PUM2: variants seen among roughly 807,000 people sequenced by gnomAD.
The protein encoded by PUM2 is pumilio RNA binding family member 2.
In PUM2, 57 loss-of-function variants were observed where a neutral mutation model predicts 124.5. The ratio of observed to expected loss-of-function variants is 0.46; its 90% confidence interval spans 0.37 to 0.57. PUM2 has a LOEUF of 0.57. Ranked by LOEUF, PUM2 falls within the 20% of genes least tolerant of loss-of-function variation. The pLI is 0.00. For missense variants in PUM2, 1,065 were observed against 1,290.6 expected (o/e 0.83, Z 2.68); for synonymous variants, 460 against 446.1 (o/e 1.03, Z -0.39).
At chr2:20,297,766 G>A in intron 7 of PUM2, 88 bp from the exon 8 acceptor site, 1 of 1,387,590 alleles carries the variant, frequency 7.2e-7, no homozygotes, top group Non-Finnish European at 9.9e-7. Flanking sequence ...CTGAATCTGG[G>A]GTGGTGTGGG....
chr2:20,324,812 T>C (rs531373898), intron 2 of PUM2, among the ~76,000 whole-genome samples: 5 of 152,276 alleles, frequency 3.3e-5, no homozygotes, highest in African/African-American at 4.8e-5. Context: ...AATTTGAAAT[T>C]AGTCCTACAT....
At chr2:20,274,132 C>A (rs1035753871) in intron 13 of PUM2, among the ~76,000 whole-genome samples, 2 of 152,016 alleles carry the variant, frequency 1.3e-5, no homozygotes, top group Non-Finnish European at 2.9e-5. Flanking sequence ...TCTTTAATTT[C>A]TTCATCTTTA....
chr2:20,344,857 C>T (rs914010290), intron 1 of PUM2, among the ~76,000 whole-genome samples: 17 of 151,460 alleles, frequency 1.1e-4, no homozygotes, highest in Non-Finnish European at 1.9e-4. Context: ...GTGGCGGGCG[C>T]CTGTAGTCCC....
At chr2:20,321,719 G>T (rs1358554197) in intron 2 of PUM2, among the ~76,000 whole-genome samples, 1 of 152,108 alleles carries the variant, frequency 6.6e-6, no homozygotes, top group Non-Finnish European at 1.5e-5. Flanking sequence ...TACTGTAGTA[G>T]AAAGAGCAAC....
At chr2:20,254,149 CTTTTA>C (rs1352312851) in intron 19 of PUM2, 135 bp from the exon 20 acceptor site, 17 of 780,642 alleles carry the variant, frequency 2.2e-5, no homozygotes, top group East Asian at 8.2e-5. Context: ...CTTATGATTA[CTTTTA>C]TTTTATTTTG....
chr2:20,315,143 T>C (rs1680580525), intron 3 of PUM2, among the ~76,000 whole-genome samples: 1 of 150,364 alleles, frequency 6.7e-6, no homozygotes, highest in Non-Finnish European at 1.5e-5. Context: ...CTCAAGTATC[T>C]GCCAGCCTTG....
chr2:20,303,238 G>A (rs1031445776), intron 7 of PUM2, among the ~76,000 whole-genome samples: 13 of 143,474 alleles, frequency 9.1e-5, no homozygotes, highest in South Asian at 2.2e-4. Flanking sequence ...GCTTCTGCTC[G>A]GAAACAATAT....
At chr2:20,298,136 C>T (rs1021406545) in intron 7 of PUM2, among the ~76,000 whole-genome samples, 1 of 152,110 alleles carries the variant, frequency 6.6e-6, no homozygotes, top group African/African-American at 2.4e-5. Context: ...TCACAAAGCA[C>T]TCCATCTGGT....
chr2:20,314,323 T>TA (rs1004852126), intron 3 of PUM2, among the ~76,000 whole-genome samples: 275 of 151,592 alleles, frequency 1.8e-3, no homozygotes, highest in African/African-American at 6.0e-3. Flanking sequence ...TATTCTTGGT[T>TA]AAAAAAAAAC....
At chr2:20,349,454 A>G (rs1483540126) in intron 1 of PUM2, among the ~76,000 whole-genome samples, 7 of 152,338 alleles carry the variant, frequency 4.6e-5, no homozygotes, top group Admixed American at 4.6e-4. Context: ...TGATTGAGCA[A>G]ATGAAGTAAA....
At chr2:20,251,842 A>C in intron 20 of PUM2, 126 bp from the exon 21 acceptor site, 1 of 1,208,344 alleles carries the variant, frequency 8.3e-7, no homozygotes, top group Non-Finnish European at 1.1e-6. Context: ...AATCCAAAGA[A>C]AGCTACTTTT....
At chr2:20,328,995 A>G (rs956915469) in intron 1 of PUM2, among the ~76,000 whole-genome samples, 10 of 151,948 alleles carry the variant, frequency 6.6e-5, no homozygotes, top group African/African-American at 2.4e-4. Context: ...ACATGGCGAC[A>G]CTCGATTTTT....
At chr2:20,268,509 T>G (rs1668243582) in intron 13 of PUM2, among the ~76,000 whole-genome samples, 1 of 152,060 alleles carries the variant, frequency 6.6e-6, no homozygotes, top group African/African-American at 2.4e-5. Flanking sequence ...TCCCAGCTAC[T>G]CGGGAGGCTG....
intron 9 of PUM2, among the ~76,000 whole-genome samples, chr2:20,292,657 G>A (rs963899578): frequency 6.6e-6 from 1 of 152,172 alleles, no homozygotes; most frequent in Non-Finnish European, 1.5e-5. Flanking sequence ...TAGGCTGGGC[G>A]CAGTGGCTCA....
intron 1 of PUM2, among the ~76,000 whole-genome samples, chr2:20,345,880 C>T (rs917530200): frequency 6.6e-6 from 1 of 152,166 alleles, no homozygotes; most frequent in Admixed American, 6.5e-5. Flanking sequence ...CTCCAAAAAA[C>T]TTGTGCAGGT....
chr2:20,276,243 C>G lies in PUM2; in HGVS notation c.1957+2340G>C, dbSNP rs74888291. On this transcript the variant is annotated intron_variant, in intron 13 of 20. Coordinates refer to ENST00000361078, the MANE Select transcript of PUM2 (RefSeq NM_015317.5). ...ATACATGTGTTGGTTATAAGCCTAT[C>G]TTAAAAAATGAAAACTTTTTTTTTT... Among the ~76,000 whole-genome samples, 1,251 of 141,112 alleles carry G rather than the reference C, an allele frequency of 8.9e-3. 8 individuals carry two copies. The highest frequency in any genetic ancestry group is 0.013 in the Non-Finnish European group (836 of 66,106). The allele number at this position is 141,112 out of a possible 152,430, so 92.6% of individuals were successfully genotyped here.
At chr2:20,332,562 C>G (rs969072939) in intron 1 of PUM2, among the ~76,000 whole-genome samples, 1 of 151,988 alleles carries the variant, frequency 6.6e-6, no homozygotes, top group African/African-American at 2.4e-5. Flanking sequence ...CAGGCAATAC[C>G]ATATCCATAT....
At chr2:20,342,051 C>G (rs1687320508) in intron 1 of PUM2, among the ~76,000 whole-genome samples, 1 of 151,524 alleles carries the variant, frequency 6.6e-6, no homozygotes, top group African/African-American at 2.4e-5. Flanking sequence ...ATCGCTTAAA[C>G]CCAGGAGGTG....
At chr2:20,255,406 G>T in intron 17 of PUM2, 65 bp from the exon 18 acceptor site, 2 of 1,455,054 alleles carry the variant, frequency 1.4e-6, no homozygotes, top group Non-Finnish European at 1.8e-6. Flanking sequence ...CTATGAAGCA[G>T]ACTGGTTTGT....
Sources: gnomAD v4.1 joint callset for allele counts (sites outside exome capture counted in the v4.1 genomes callset) on GRCh38, gnomAD v4.1.1 for gene constraint, MANE v1.5 for transcripts, NCBI Gene and HGNC (gene_info 2026-07-23, HGNC 2026-07-21) for gene names.